The following TEPSIN variants were observed in gnomAD, a reference collection of about 807,000 sequenced individuals.
TEPSIN encodes the protein TEPSIN adaptor related protein complex 4 accessory protein.
TEPSIN carries 50 observed loss-of-function variants against 48.5 expected under a neutral mutation model. The observed-to-expected ratio is 1.03, with a 90% CI of 0.82 to 1.31. The LOEUF is 1.31. Ranked by LOEUF, TEPSIN falls within the 50% of genes most tolerant of loss-of-function variation. The pLI is 0.00. For synonymous variants in TEPSIN, 392 were observed against 358.8 expected, an observed-to-expected ratio of 1.09 and a Z score of -1.05; for missense variants, 838 against 815.9, an observed-to-expected ratio of 1.03 and a Z score of -0.33.
chr17:81,231,681 C>G lies in TEPSIN; in HGVS notation c.916G>C (p.Val306Leu). 2 of 1,611,850 alleles carry G rather than the reference C, an allele frequency of 1.2e-6. No individual in the cohort carries two copies. Among genetic ancestry groups the G allele is most frequent in the Non-Finnish European group, 1.7e-6 (2 of 1,179,170 alleles). Reference sequence around the variant, plus strand: ...TCCTGCTGACAGTCACTCAGGGCCACCACCTCGACCCTGCCAGGGGGAATG... The same window carrying G: ...TCCTGCTGACAGTCACTCAGGGCCAGCACCTCGACCCTGCCAGGGGGAATG... Reference protein sequence around the residue: ...PGDLAERVEVVALSDCQQELS... With the variant: ...PGDLAERVEVLALSDCQQELS... Residue 306 changes from valine (V) to leucine (L), a missense_variant, in exon 10 of 13, where the codon GTG (valine) becomes CTG (leucine). Val to Leu is a conservative substitution (Grantham distance 32, BLOSUM62 1). Transcript: ENST00000637944.
intron 12 of TEPSIN, 56 bp from the exon 13 acceptor site, chr17:81,229,532 G>A: frequency 2.6e-6 from 4 of 1,525,462 alleles, no homozygotes; most frequent in South Asian, 2.4e-5. Flanking sequence ...GAAATGTGGG[G>A]ACCAGGGCCC....
rs1186117253 is a variant in TEPSIN at position 81,231,419 on chromosome 17, C to T, written c.1077G>A (p.Gly359=). ...VLQLLTCHLR[G]TSECTQLRAL... ...TCACCAGCTGCGTGCATTCACTGGT[C>T]CCACGCAGGTGGCAGGTCAGCAGCT... Residue 359 remains glycine, a synonymous_variant, in exon 11 of 13, where the codon GGG becomes GGA. Transcript: ENST00000637944. 6.4e-7 allele frequency: 1 copy of T among 1,557,832 alleles called. No homozygotes were observed.
At chr17:81,237,263 G>T in intron 2 of TEPSIN, 124 bp downstream of exon 2, 2 of 1,282,426 alleles carry the variant, frequency 1.6e-6, no homozygotes, top group South Asian at 1.3e-5. Flanking sequence ...ACCCATGCCT[G>T]GTTACAATAA....
At position 81,230,323 on chromosome 17, in the gene TEPSIN, T is replaced by C; in HGVS notation, c.1233+221A>G. The C allele has an allele frequency of 1.8e-6, 1 of 549,308 alleles. No homozygotes were observed. The highest frequency in any genetic ancestry group is 2.1e-5 in the South Asian group (1 of 47,566). 34.0% of individuals were successfully genotyped at this position (549,308 alleles called of 1,614,324 possible). On this transcript the variant is annotated intron_variant, in intron 12 of 12. Transcript: ENST00000637944. This position sits in a 1 kb window ranked among gnomAD's most constrained non-coding sequence, Gnocchi z 4.2. ...TTCCAGGAATAGGTAGAGGCCAGTG[T>C]ACTGTGAGTGCTGCAGAGTTTGGGT...
chr17:81,233,724 G>C lies in TEPSIN; in HGVS notation c.376-8C>G. On this transcript the variant is annotated splice_region_variant and splice_polypyrimidine_tract_variant and intron_variant, in intron 5 of 12. Transcript: ENST00000637944. This position sits in a 1 kb window ranked among gnomAD's most constrained non-coding sequence, Gnocchi z 5.8. ...CAGGGTGCTCCCCAAGTCCTACAGG[G>C]GGAGGCGAAGGCCCTCAGTGTCCTC... 1 of 1,588,736 alleles carries C rather than the reference G, an allele frequency of 6.3e-7. No individual in the cohort carries two copies. Among genetic ancestry groups the C allele is most frequent in the Non-Finnish European group, 8.5e-7 (1 of 1,169,878 alleles).
At position 81,233,932 on chromosome 17, in the gene TEPSIN, T is replaced by C. The variant is rs1337932481; in HGVS notation, c.375+49A>G. On this transcript the variant is annotated intron_variant, in intron 5 of 12. Transcript: ENST00000637944. The surrounding 1 kb of genome is among the most constrained non-coding windows in gnomAD (Gnocchi z 5.8). ...GACATCCTGGCCCCAATCCCACCCCTCTACAGGAGGAGGGGCACCCCGCAG... is the reference window on the plus strand; with the variant it reads ...GACATCCTGGCCCCAATCCCACCCCCCTACAGGAGGAGGGGCACCCCGCAG... 2 of 1,564,408 alleles carry C rather than the reference T, an allele frequency of 1.3e-6. No homozygotes were observed. The highest frequency in any genetic ancestry group is 1.7e-6 in the Non-Finnish European group (2 of 1,160,680).
chr17:81,230,822 C>T lies in TEPSIN; in HGVS notation c.1099-144G>A. The T allele has an allele frequency of 9.5e-7, 1 of 1,057,970 alleles. No individual in the cohort carries two copies. Among genetic ancestry groups the T allele is most frequent in the Non-Finnish European group, 1.3e-6 (1 of 763,396 alleles). The allele number at this position is 1,057,970 out of a possible 1,614,324, so 65.5% of individuals were successfully genotyped here. ...GCCCCAGAGACAGCTCCACCACAGCCCTGTCCTCACCGCCTTACACCCCGG... is the reference window on the plus strand; with the variant it reads ...GCCCCAGAGACAGCTCCACCACAGCTCTGTCCTCACCGCCTTACACCCCGG... On this transcript the variant is annotated intron_variant, in intron 11 of 12. Transcript: ENST00000637944. The surrounding 1 kb of genome is among the most constrained non-coding windows in gnomAD (Gnocchi z 4.2).
rs1399273659 is a variant in TEPSIN at position 81,229,430 on chromosome 17, CGGGCAGGGGACAGCTGCCCACAGG to C, written c.1256_1279del (p.Ser419_Arg427delinsTrp). The C allele has an allele frequency of 3.9e-6, 6 of 1,549,914 alleles. No homozygotes were observed. Among genetic ancestry groups the C allele is most frequent in the Non-Finnish European group, 5.2e-6 (6 of 1,146,832 alleles). ...GGGGCCAGGCTCAGCTGAGGTGCCC[CGGGCAGGGGACAGCTGCCCACAGG>C]AGGCCTCAAAGTGCCTCAGGATCTG... On this transcript the variant is annotated inframe_deletion, in exon 13 of 13. Coordinates refer to ENST00000637944, the MANE Select transcript of TEPSIN (RefSeq NM_001363764.2).
At chr17:81,229,817 T>G in intron 12 of TEPSIN, 1 of 356,992 alleles carries the variant, frequency 2.8e-6, no homozygotes, top group Non-Finnish European at 5.1e-6. Flanking sequence ...ATCTGGGCAT[T>G]TCCAACTGTT....
rs1173188529 is a variant in TEPSIN at position 81,233,845 on chromosome 17, G to A, written c.376-129C>T. 4.9e-5 allele frequency: 67 copies of A among 1,363,516 alleles called. No individual in the cohort carries two copies. Among genetic ancestry groups the A allele is most frequent in the Non-Finnish European group, 6.4e-5 (65 of 1,010,876 alleles). 84.5% of individuals were successfully genotyped at this position (1,363,516 alleles called of 1,614,324 possible). A position where few individuals can be genotyped will look rare whatever the true frequency, so the allele number is the denominator to read the frequency against. On this transcript the variant is annotated intron_variant, in intron 5 of 12. Transcript: ENST00000637944. This position sits in a 1 kb window ranked among gnomAD's most constrained non-coding sequence, Gnocchi z 5.8. Reference sequence around the variant, plus strand: ...AGCCACTCAGCTGGACACAGGCTCTGTGTCCACCAGCAAGGAGCAGAGGCA... The same window carrying A: ...AGCCACTCAGCTGGACACAGGCTCTATGTCCACCAGCAAGGAGCAGAGGCA...
In TEPSIN at chr17:81,234,687, CGT is replaced by C. The variant is rs150416820; in HGVS notation, c.308-641_308-640del. 0.016 allele frequency among the ~76,000 whole-genome samples: 2,508 copies of C among 152,126 alleles called. 74 individuals carry two copies. The highest frequency in any genetic ancestry group is 0.058 in the African/African-American group (2,414 of 41,466). On this transcript the variant is annotated intron_variant, in intron 4 of 12. Transcript: ENST00000637944. The surrounding 1 kb of genome is among the most constrained non-coding windows in gnomAD (Gnocchi z 5.4). ...TACCTCCACCCTGGCAGGCTGGTCC[CGT>C]GATTCGGAGACGATGCTCCTGGCTG...
intron 1 of TEPSIN, chr17:81,238,226 A>G: frequency 1.0e-6 from 1 of 967,842 alleles, no homozygotes; most frequent in South Asian, 4.8e-5. Context: ...CATCACTGAC[A>G]CTGTTTGCCC....
intron 3 of TEPSIN, 74 bp downstream of exon 3, chr17:81,236,906 C>G: frequency 6.5e-7 from 1 of 1,532,068 alleles, no homozygotes; most frequent in South Asian, 1.2e-5. Flanking sequence ...CACCCTGGGC[C>G]GCTCGTCTGC....
rs2062777349 is a variant in TEPSIN at position 81,238,986 on chromosome 17, C to T, written c.48G>A (p.Arg16=). The T allele has an allele frequency of 1.4e-6, 2 of 1,479,684 alleles. No homozygotes were observed. The highest frequency in any genetic ancestry group is 2.5e-5 in the Admixed American group (1 of 39,294). 91.7% of individuals were successfully genotyped at this position (1,479,684 alleles called of 1,614,324 possible). A position where few individuals can be genotyped will look rare whatever the true frequency, so the allele number is the denominator to read the frequency against. Residue 16 remains arginine, a splice_region_variant and synonymous_variant, in exon 1 of 13, where the codon CGG becomes CGA. Coordinates refer to ENST00000637944, the MANE Select transcript of TEPSIN (RefSeq NM_001363764.2). ...GCCCGGGCGGACCGCCCTCACTCAC[C>T]CGGTGTAGAAAGCTCAGGCGGTCCC... ...PLRDRLSFLH[R]LPILLKGTSD...
intron 1 of TEPSIN, chr17:81,238,357 C>A: frequency 3.3e-6 from 1 of 304,094 alleles, no homozygotes; most frequent in South Asian, 1.3e-4. Context: ...AGCGTGGCTT[C>A]TGGCAGCCCA....
At position 81,233,477 on chromosome 17, in the gene TEPSIN, T is replaced by C. The variant is rs766190749; in HGVS notation, c.481A>G (p.Ser161Gly). ...TGMGSQARPH[S>G]TLQGFGYSKE... ...CTGTAGCCGAAACCCTGGAGGGTGCTGTGCGGCCTGGCCTGGGAGCCCATG... is the reference window on the plus strand; with the variant it reads ...CTGTAGCCGAAACCCTGGAGGGTGCCGTGCGGCCTGGCCTGGGAGCCCATG... The change falls in exon 7 of 13, where the codon AGC (serine) becomes GGC (glycine). Residue 161 changes from serine to glycine, a missense_variant. By Grantham distance (56) the Ser-to-Gly change is moderately conservative. Coordinates refer to ENST00000637944, the MANE Select transcript of TEPSIN (RefSeq NM_001363764.2). The surrounding 1 kb of genome is among the most constrained non-coding windows in gnomAD (Gnocchi z 5.8). The C allele has an allele frequency of 5.0e-6, 8 of 1,608,186 alleles. No individual in the cohort carries two copies. Among genetic ancestry groups the C allele is most frequent in the Non-Finnish European group, 6.8e-6 (8 of 1,177,510 alleles).
In TEPSIN at chr17:81,230,612, G is replaced by C. The variant is rs781165082; in HGVS notation, c.1165C>G (p.Arg389Gly). 1 of 1,606,366 alleles carries C rather than the reference G, an allele frequency of 6.2e-7. No individual in the cohort carries two copies. The highest frequency in any genetic ancestry group is 1.3e-5 in the African/African-American group (1 of 74,608). ...DLLPQEHILL[R>G]TRPWLQELSM... is the part of the protein sequence containing the mutation. ...AGCTCCTGCAGCCACGGCCGGGTGCGGAGGAGGATGTGCTCCTGGGGGAGG... is the reference window on the plus strand; with the variant it reads ...AGCTCCTGCAGCCACGGCCGGGTGCCGAGGAGGATGTGCTCCTGGGGGAGG... The change falls in exon 12 of 13, where the codon CGC becomes GGC. Residue 389 changes from arginine to glycine, a missense_variant. Transcript: ENST00000637944. The surrounding 1 kb of genome is among the most constrained non-coding windows in gnomAD (Gnocchi z 4.2).
Position 81,231,328 on chromosome 17 carries a change from CGCACACGCACACACACGCACACAG to C in TEPSIN, c.1098+46_1098+69del, listed in dbSNP as rs796694402. 2.6e-3 allele frequency: 3,593 copies of C among 1,395,280 alleles called. 85 individuals carry two copies. The African/African-American group carries it at 0.046, about 18-fold the overall frequency. 86.4% of individuals were successfully genotyped at this position (1,395,280 alleles called of 1,614,324 possible). A position where few individuals can be genotyped will look rare whatever the true frequency, so the allele number is the denominator to read the frequency against. ...GCACACAGGCACACGTGCACACACA[CGCACACGCACACACACGCACACAG>C]GCACATGCACACAGTCACGCCCTCC... On this transcript the variant is annotated intron_variant, in intron 11 of 12. Coordinates refer to ENST00000637944, the MANE Select transcript of TEPSIN (RefSeq NM_001363764.2).
In TEPSIN at chr17:81,229,263, C is replaced by T; in HGVS notation, c.1447G>A (p.Val483Met). Residue 483 changes from valine to methionine, a missense_variant, in exon 13 of 13, where the codon GTG (valine) becomes ATG (methionine). By Grantham distance (21) the Val-to-Met change is conservative. Transcript: ENST00000637944. ...APSSGMPSSP[V>M]PTPPPDASPI... ...GAGGCATCTGGGGGTGGGGTGGGCACAGGGCTGGACGGCATCCCAGATGAG... is the reference window on the plus strand; with the variant it reads ...GAGGCATCTGGGGGTGGGGTGGGCATAGGGCTGGACGGCATCCCAGATGAG... 1.3e-6 allele frequency: 2 copies of T among 1,570,784 alleles called. 1 individual carries two copies. The highest frequency in any genetic ancestry group is 2.3e-5 in the South Asian group (2 of 86,324).
Sources: allele counts gnomAD v4.1 joint callset (sites outside exome capture counted in the v4.1 genomes callset), GRCh38; gene constraint gnomAD v4.1.1; non-coding constraint Gnocchi (gnomAD v3.1); transcripts MANE v1.5; gene names NCBI Gene and HGNC (gene_info 2026-07-23, HGNC 2026-07-21).